The following CCSER1 variants were observed in gnomAD, a reference collection of about 807,000 sequenced individuals.
CCSER1 encodes the protein coiled-coil serine rich protein 1.
Under a neutral mutation model 82.0 loss-of-function variants are expected in CCSER1, and 41 were observed. That is an observed-to-expected ratio of 0.50 (90% CI 0.39 to 0.65). The LOEUF is 0.65. Ranked by LOEUF, CCSER1 falls within the 30% of genes least tolerant of loss-of-function variation. The pLI is 0.00. For synonymous variants in CCSER1, 414 were observed against 383.9 expected, an observed-to-expected ratio of 1.08 and a Z score of -0.92; for missense variants, 1,119 against 1,064.2, an observed-to-expected ratio of 1.05 and a Z score of -0.72.
chr4:90,410,398 A>G (rs568536910), intron 4 of CCSER1, among the ~76,000 whole-genome samples: 116 of 152,338 alleles, frequency 7.6e-4, no homozygotes, highest in African/African-American at 2.5e-3. Flanking sequence ...ACTCCTCAGC[A>G]AATGTAAAAG....
At chr4:90,806,842 C>T (rs1002577784) in intron 7 of CCSER1, among the ~76,000 whole-genome samples, 1 of 151,578 alleles carries the variant, frequency 6.6e-6, no homozygotes, top group East Asian at 1.9e-4. Context: ...TTTGACTGTC[C>T]CCTACTCAAT....
intron 10 of CCSER1, among the ~76,000 whole-genome samples, chr4:91,439,083 C>T (rs894101216): frequency 6.6e-6 from 1 of 152,110 alleles, no homozygotes; most frequent in African/African-American, 2.4e-5. Flanking sequence ...GAGAACTTCC[C>T]CAATCTAGCA....
chr4:90,459,113 T>C (rs989760125), intron 4 of CCSER1, among the ~76,000 whole-genome samples: 1 of 152,186 alleles, frequency 6.6e-6, no homozygotes, highest in African/African-American at 2.4e-5. Context: ...TGTACGTATA[T>C]ATAGATACAG....
intron 3 of CCSER1, among the ~76,000 whole-genome samples, chr4:90,393,764 A>G (rs865803679): frequency 6.8e-6 from 1 of 146,214 alleles, no homozygotes; most frequent in African/African-American, 2.6e-5. Flanking sequence ...TACAATAGTT[A>G]TATCTTCCTT....
rs552723002 is a variant in CCSER1, at chr4:90,786,362, AG to A, written c.2011-29399del. On this transcript the variant is annotated intron_variant, in intron 7 of 10. Coordinates refer to ENST00000509176, the MANE Select transcript of CCSER1 (RefSeq NM_001145065.2). ...GGTCTGAATATTTTCTTTGGAACAC[AG>A]TAATACTCAGAAACTATAACATGGT... Among the ~76,000 whole-genome samples, 74 of 152,302 alleles carry A rather than the reference AG, an allele frequency of 4.9e-4. 3 individuals are homozygous for A. In the South Asian group the frequency reaches 0.015, roughly 32 times the overall value.
At chr4:90,589,568 T>C (rs1256304607) in intron 5 of CCSER1, among the ~76,000 whole-genome samples, 1 of 152,176 alleles carries the variant, frequency 6.6e-6, no homozygotes, top group African/African-American at 2.4e-5. Flanking sequence ...TATATTATGA[T>C]GAAGACTTAC....
intron 8 of CCSER1, among the ~76,000 whole-genome samples, chr4:90,874,565 A>G (rs1245287421): frequency 6.6e-6 from 1 of 152,166 alleles, no homozygotes; most frequent in Non-Finnish European, 1.5e-5. Context: ...ACCTTGAGAA[A>G]GTAACGTAAC....
chr4:90,321,345 A>G (rs1462209131), intron 3 of CCSER1, among the ~76,000 whole-genome samples: 1 of 152,176 alleles, frequency 6.6e-6, no homozygotes, highest in Non-Finnish European at 1.5e-5. Flanking sequence ...AATTTTATTT[A>G]AAATAAGGTC....
At chr4:91,381,345 C>T (rs527669993) in intron 10 of CCSER1, among the ~76,000 whole-genome samples, 1 of 152,250 alleles carries the variant, frequency 6.6e-6, no homozygotes, top group Admixed American at 6.5e-5. Context: ...AGAGTGTTTT[C>T]CAACTTGGTT....
At chr4:91,445,292 T>C (rs1296096995) in intron 10 of CCSER1, among the ~76,000 whole-genome samples, 1 of 152,148 alleles carries the variant, frequency 6.6e-6, no homozygotes, top group Non-Finnish European at 1.5e-5. Flanking sequence ...TATTATATGG[T>C]GGTATTGCTA....
intron 6 of CCSER1, among the ~76,000 whole-genome samples, chr4:90,673,795 A>G (rs964794159): frequency 2.6e-5 from 4 of 151,980 alleles, no homozygotes; most frequent in African/African-American, 9.7e-5. Flanking sequence ...CCCATTATAC[A>G]TACGTTTTTA....
intron 10 of CCSER1, among the ~76,000 whole-genome samples, chr4:91,519,317 T>C (rs1578679691): frequency 6.6e-6 from 1 of 152,172 alleles, no homozygotes; most frequent in Non-Finnish European, 1.5e-5. Flanking sequence ...ACAGCAAAGA[T>C]GGCAGCCCAC....
At chr4:90,686,570 G>A (rs1230521204) in intron 6 of CCSER1, among the ~76,000 whole-genome samples, 1 of 151,934 alleles carries the variant, frequency 6.6e-6, no homozygotes, top group African/African-American at 2.4e-5. Context: ...AACCTCTTCA[G>A]GCAGAATTGT....
At chr4:91,456,802 T>TAATA (rs1756203340) in intron 10 of CCSER1, among the ~76,000 whole-genome samples, 1 of 152,128 alleles carries the variant, frequency 6.6e-6, no homozygotes, top group Non-Finnish European at 1.5e-5. Flanking sequence ...ACTAAAATAC[T>TAATA]AATACTGATA....
intron 10 of CCSER1, among the ~76,000 whole-genome samples, chr4:91,383,920 T>A (rs1470118159): frequency 2.6e-5 from 4 of 152,158 alleles, no homozygotes; most frequent in African/African-American, 9.7e-5. Flanking sequence ...TTTTAATGGA[T>A]CTCAGCAATA....
At chr4:90,412,787 CA>C (rs1339078661) in intron 4 of CCSER1, among the ~76,000 whole-genome samples, 2 of 152,084 alleles carry the variant, frequency 1.3e-5, no homozygotes, top group African/African-American at 4.8e-5. Context: ...ATGACAGACC[CA>C]CAGACAACAT....
intron 3 of CCSER1, among the ~76,000 whole-genome samples, chr4:90,323,008 G>A (rs572521229): frequency 2.4e-4 from 37 of 152,276 alleles, no homozygotes; most frequent in South Asian, 6.2e-4. Flanking sequence ...CCTTCCTTCC[G>A]GGCAGCAGGT....
intron 9 of CCSER1, among the ~76,000 whole-genome samples, chr4:90,932,986 A>AAGAAAGAGAGAGAG (rs1730249645): frequency 3.4e-5 from 1 of 29,166 alleles, no homozygotes; most frequent in Non-Finnish European, 6.7e-5. Context: ...AAGAAAGAGA[A>AAGAAAGAGAGAGAG]AGAAAGAAAG....
intron 10 of CCSER1, among the ~76,000 whole-genome samples, chr4:91,361,548 TAA>T (rs1270520665): frequency 6.6e-6 from 1 of 151,660 alleles, no homozygotes; most frequent in Non-Finnish European, 1.5e-5. Context: ...ATGTGAGAAA[TAA>T]AAAGCTGTAA....
Sources: gnomAD v4.1 joint callset for allele counts (sites outside exome capture counted in the v4.1 genomes callset) on GRCh38, gnomAD v4.1.1 for gene constraint, MANE v1.5 for transcripts, NCBI Gene and HGNC (gene_info 2026-07-23, HGNC 2026-07-21) for gene names.